Variants in PCDHA5 observed in about 807,000 individuals in gnomAD.
The protein encoded by PCDHA5 is protocadherin alpha-5.
A neutral mutation model predicts 61.6 loss-of-function variants in PCDHA5; 43 were observed. The ratio of observed to expected loss-of-function variants is 0.70; its 90% CI spans 0.55 to 0.90. The LOEUF (loss-of-function observed/expected upper bound fraction) is 0.90, where lower values mean the gene tolerates loss of function less well. PCDHA5 is among the 40% of genes least tolerant of loss of function. The pLI is 0.00. For missense variants in PCDHA5, 1,298 were observed against 1,222.7 expected (o/e 1.06, Z -0.92); for synonymous variants, 627 against 543.9 (o/e 1.15, Z -2.13).
chr5:140,934,926 G>A lies in PCDHA5; in HGVS notation c.2353-44023G>A, dbSNP rs1054459840. Among the ~76,000 whole-genome samples, 3 of 152,116 alleles carry A rather than the reference G, an allele frequency of 2.0e-5. No homozygotes were observed. In the East Asian group the frequency reaches 5.8e-4, roughly 29 times the overall value. On this transcript the variant is annotated intron_variant, in intron 1 of 3. Transcript: ENST00000529859. ...TGGAATAATTATGGATTCACATAAA[G>A]TTACAAAACTAGTATAGAGAGATCC...
intron 1 of PCDHA5, among the ~76,000 whole-genome samples, chr5:140,946,468 C>T (rs1249840749): frequency 1.3e-5 from 2 of 151,720 alleles, no homozygotes; most frequent in Non-Finnish European, 2.9e-5. Flanking sequence ...AATCCCACTA[C>T]TGGGTATATA....
intron 1 of PCDHA5, among the ~76,000 whole-genome samples, chr5:140,905,770 C>T (rs1402548672): frequency 6.6e-6 from 1 of 151,878 alleles, no homozygotes; most frequent in African/African-American, 2.4e-5. Flanking sequence ...AAGTATATTC[C>T]GAAGTGTATT....
At chr5:140,984,228 G>A (rs374551349) in intron 3 of PCDHA5, among the ~76,000 whole-genome samples, 180 of 152,262 alleles carry the variant, frequency 1.2e-3, no homozygotes, top group African/African-American at 4.0e-3. Context: ...TTGCTCTTAT[G>A]GAGGCATTGT....
At chr5:140,943,326 G>A (rs1407826029) in intron 1 of PCDHA5, among the ~76,000 whole-genome samples, 10 of 149,948 alleles carry the variant, frequency 6.7e-5, no homozygotes, top group African/African-American at 2.5e-4. Flanking sequence ...ATATTGTGTA[G>A]TATCCATTGG....
chr5:140,905,891 G>A (rs1486335678), intron 1 of PCDHA5, among the ~76,000 whole-genome samples: 2 of 152,162 alleles, frequency 1.3e-5, no homozygotes, highest in African/African-American at 4.8e-5. Context: ...TAGGCCATCT[G>A]CAAGCTGAGG....
chr5:140,989,788 G>A (rs2097360346), intron 3 of PCDHA5, among the ~76,000 whole-genome samples: 2 of 152,158 alleles, frequency 1.3e-5, no homozygotes, highest in Admixed American at 1.3e-4. Context: ...GAGACTAGAG[G>A]CCCCCAGGAA....
intron 1 of PCDHA5, chr5:140,877,904 A>G (rs1421896402): frequency 7.0e-7 from 1 of 1,436,098 alleles, no homozygotes; most frequent in East Asian, 2.5e-5. Context: ...GGTTATAACT[A>G]CATTCTCTCA....
intron 1 of PCDHA5, among the ~76,000 whole-genome samples, chr5:140,949,539 A>G (rs971813092): frequency 6.6e-6 from 1 of 151,744 alleles, no homozygotes; most frequent in Admixed American, 6.6e-5. Context: ...TAAAATATCG[A>G]TTTGTTGCTG....
chr5:140,828,700 G>T (rs2150158039), intron 1 of PCDHA5: 3 of 1,614,210 alleles, frequency 1.9e-6, no homozygotes, highest in Non-Finnish European at 2.5e-6. Flanking sequence ...TGGACAGAGA[G>T]GAAGCTCCTG....
At chr5:140,882,755 G>A in intron 1 of PCDHA5, 2 of 1,614,230 alleles carry the variant, frequency 1.2e-6, no homozygotes, top group Non-Finnish European at 1.7e-6. Context: ...TGCAGATATT[G>A]GAGTAAACTC....
intron 1 of PCDHA5, among the ~76,000 whole-genome samples, chr5:140,952,614 T>C (rs1381315866): frequency 6.6e-6 from 1 of 152,170 alleles, no homozygotes; most frequent in African/African-American, 2.4e-5. Flanking sequence ...CTCTCCCTCA[T>C]CTTCCCTCCA....
intron 1 of PCDHA5, chr5:140,857,039 G>A: frequency 6.3e-7 from 1 of 1,595,752 alleles, no homozygotes; most frequent in Non-Finnish European, 8.6e-7. Context: ...ACCTATGGTT[G>A]GTCACTGCAC....
intron 1 of PCDHA5, chr5:140,857,003 G>C: frequency 6.3e-7 from 1 of 1,595,436 alleles, no homozygotes; most frequent in Non-Finnish European, 8.6e-7. Context: ...TGAAATTCAT[G>C]TAGATGTTAC....
chr5:140,914,187 A>G (rs2076635858), intron 1 of PCDHA5, among the ~76,000 whole-genome samples: 1 of 152,110 alleles, frequency 6.6e-6, no homozygotes, highest in African/African-American at 2.4e-5. Flanking sequence ...TTCTCCACCT[A>G]TTATTGTATT....
At position 140,982,438 on chromosome 5, in the gene PCDHA5, T is replaced by C. The variant is rs782761318; in HGVS notation, c.2412-37T>C. On this transcript the variant is annotated intron_variant, in intron 2 of 3. Coordinates refer to ENST00000529859, the MANE Select transcript of PCDHA5 (RefSeq NM_018908.3). ...GGAAGAAGAGATGGGAAAGAATTTA[T>C]GATCTAACCGTTATCTGGGTCTGTG... is the stretch of plus-strand genomic sequence containing the variant. The C allele has an allele frequency of 3.1e-6, 5 of 1,611,448 alleles. No individual in the cohort carries two copies. The South Asian group carries it at 5.5e-5, about 18-fold the overall frequency.
intron 1 of PCDHA5, chr5:140,877,946 C>A: frequency 7.4e-7 from 1 of 1,349,556 alleles, no homozygotes; most frequent in Non-Finnish European, 9.7e-7. Flanking sequence ...TTTAAACTAT[C>A]GAATGTCTCA....
chr5:140,922,726 C>T lies in PCDHA5; in HGVS notation c.2353-56223C>T, dbSNP rs118091551. On this transcript the variant is annotated intron_variant, in intron 1 of 3. Coordinates refer to ENST00000529859, the MANE Select transcript of PCDHA5 (RefSeq NM_018908.3). ...GTCAAGAACAAAAAGAAACACTTGA[C>T]AAGGTTGAGAAAAATAAATGGAAAA... is the stretch of plus-strand genomic sequence containing the variant. 6.6e-5 allele frequency among the ~76,000 whole-genome samples: 10 copies of T among 152,012 alleles called. No homozygotes were observed. The East Asian group carries it at 1.9e-3, about 29-fold the overall frequency.
At chr5:140,871,265 G>A (rs2052892595) in intron 1 of PCDHA5, 8 of 1,613,978 alleles carry the variant, frequency 5.0e-6, no homozygotes, top group Non-Finnish European at 6.8e-6. Flanking sequence ...ACGGCGCTGT[G>A]GTGGTCGGCA....
intron 1 of PCDHA5, chr5:140,876,679 A>T (rs782671923): frequency 2.5e-6 from 4 of 1,614,118 alleles, no homozygotes; most frequent in Non-Finnish European, 3.4e-6. Flanking sequence ...CACCTACAAG[A>T]ATTACTACTC....
Sources: allele counts gnomAD v4.1 joint callset (sites outside exome capture counted in the v4.1 genomes callset), GRCh38; gene constraint gnomAD v4.1.1; transcripts MANE v1.5; gene names NCBI Gene and HGNC (gene_info 2026-07-23, HGNC 2026-07-21).